The following INF2 variants were observed in gnomAD, a reference collection of about 807,000 sequenced individuals.
INF2 encodes inverted formin 2, also known as inverted formin-2.
In INF2, 43 loss-of-function variants were observed where a neutral mutation model predicts 123.5. That is an observed-to-expected ratio of 0.35 (90% CI 0.27 to 0.45). INF2 has a LOEUF of 0.45. Ranked by LOEUF, INF2 falls within the 20% of genes least tolerant of loss-of-function variation. INF2 has a pLI of 1.00. For synonymous variants in INF2, 851 were observed against 745.0 expected (o/e 1.14, Z -2.32); for missense variants, 1,453 against 1,682.7 (o/e 0.86, Z 2.39).
In INF2 at chr14:104,707,769, C is replaced by T; in HGVS notation, c.1502C>T (p.Pro501Leu). Reference protein sequence around the residue: ...PPPLPGLGCPPPPPPLLPGMG... With the variant: ...PPPLPGLGCPLPPPPLLPGMG... The stretch of plus-strand genomic sequence containing the variant: ...CCACTCCCGGGCTTGGGATGCCCGC[C>T]CCCACCCCCACCCCTGCTGCCTGGT... The change falls in exon 8 of 23, where the codon CCC (proline) becomes CTC (leucine). Residue 501 changes from proline (P) to leucine (L), a missense_variant. Around this residue, in one of 8 missense-constraint regions of INF2, gnomAD observed 374 missense variants for 303.7 expected, o/e 1.23. Transcript: ENST00000392634. 7.5e-7 allele frequency: 1 copy of T among 1,337,882 alleles called. No homozygotes were observed. Among genetic ancestry groups the T allele is most frequent in the Non-Finnish European group, 1.0e-6 (1 of 964,452 alleles). 82.9% of individuals were successfully genotyped at this position (1,337,882 alleles called of 1,614,324 possible).
chr14:104,719,019 C>A lies in INF2; in HGVS notation c.*226C>A. ...CAGGCCTGGTGCCCTCCTGGACCGC[C>A]TGCACGTGCCAGCCTCCCACCTGCT... On this transcript the variant is annotated 3_prime_UTR_variant, in exon 23 of 23. Transcript: ENST00000392634. The A allele has an allele frequency of 9.3e-7, 1 of 1,074,142 alleles. No individual in the cohort carries two copies. The highest frequency in any genetic ancestry group is 1.3e-6 in the Non-Finnish European group (1 of 788,046). The allele number at this position is 1,074,142 out of a possible 1,614,324, so 66.5% of individuals were successfully genotyped here.
At chr14:104,717,302 C>A (rs1343930258) in intron 22 of INF2, among the ~76,000 whole-genome samples, 15 of 136,060 alleles carry the variant, frequency 1.1e-4, no homozygotes, top group South Asian at 2.3e-4. Flanking sequence ...CAGTCCCCCC[C>A]CCGGGCAGGG....
chr14:104,683,328 G>A lies in INF2; in HGVS notation c.-104+1746G>A, dbSNP rs182459605. Among the ~76,000 whole-genome samples, 436 of 152,292 alleles carry A rather than the reference G, an allele frequency of 2.9e-3. 1 individual carries two copies. Among genetic ancestry groups the A allele is most frequent in the South Asian group, 7.9e-3 (38 of 4,828 alleles). ...CTCCTACGTGCCTCAGCCTGGGGCT[G>A]CCACTCCCTGCCTCCCACCGTCCAC... On this transcript the variant is annotated intron_variant, in intron 1 of 2. Coordinates refer to the INF2 transcript ENST00000674723.
chr14:104,682,925 G>T (rs933915387), intron 1 of INF2, among the ~76,000 whole-genome samples: 1 of 152,064 alleles, frequency 6.6e-6, no homozygotes, highest in Non-Finnish European at 1.5e-5. Context: ...GCTAGTGGCT[G>T]GGGCCTCCGC....
intron 1 of INF2, among the ~76,000 whole-genome samples, chr14:104,695,704 G>A (rs1301523192): frequency 6.7e-6 from 1 of 148,392 alleles, no homozygotes; most frequent in Non-Finnish European, 1.5e-5. Flanking sequence ...TCCTAACCCA[G>A]GAAGATGTAC....
intron 8 of INF2, chr14:104,708,203 A>AC (rs36027922): frequency 1.1e-6 from 1 of 888,200 alleles, no homozygotes; most frequent in Non-Finnish European, 1.7e-6. Flanking sequence ...ACCTCTGAGG[A>AC]CCCCCCTCCA....
At position 104,701,565 on chromosome 14, in the gene INF2, A is replaced by G; in HGVS notation, c.200A>G (p.Gln67Arg). The part of the protein sequence containing the change: ...LEGSDGGWMV[Q>R]FLEQSGLDLL... ...GGCAGCGACGGCGGCTGGATGGTGC[A>G]GTTCCTGGAGCAGAGCGGCCTGGAC... Residue 67 changes from glutamine to arginine, a missense_variant, in exon 2 of 23, where the codon CAG becomes CGG. Physicochemically the swap from Gln to Arg is conservative, Grantham distance 43. This residue lies in a region of INF2 where 251 missense variants were observed against 349.4 expected (regional missense o/e 0.72). Coordinates refer to ENST00000392634, the MANE Select transcript of INF2 (RefSeq NM_022489.4). The G allele has an allele frequency of 1.2e-6, 2 of 1,608,564 alleles. No individual in the cohort carries two copies. Among genetic ancestry groups the G allele is most frequent in the Admixed American group, 1.7e-5 (1 of 59,810 alleles).
chr14:104,689,590 T>TGCCC, upstream of INF2: 15 of 646,934 alleles, frequency 2.3e-5, no homozygotes, highest in South Asian at 7.1e-5. Flanking sequence ...CTCCTCTTCC[T>TGCCC]CCCGCCCGCC....
At chr14:104,692,586 G>A (rs1318960551) in intron 1 of INF2, among the ~76,000 whole-genome samples, 1 of 152,232 alleles carries the variant, frequency 6.6e-6, no homozygotes, top group Non-Finnish European at 1.5e-5. Context: ...CTCCAAACTC[G>A]GGGGTTGGTG....
intron 8 of INF2, 44 bp downstream of exon 8, chr14:104,708,046 G>A (rs1314537509): frequency 1.3e-6 from 2 of 1,597,652 alleles, no homozygotes; most frequent in South Asian, 1.1e-5. Flanking sequence ...CCTAGGACGG[G>A]GGCTGGTCTC....
At chr14:104,694,516 G>A (rs1279124869) in intron 1 of INF2, among the ~76,000 whole-genome samples, 1 of 152,210 alleles carries the variant, frequency 6.6e-6, no homozygotes, top group African/African-American at 2.4e-5. Flanking sequence ...TCAGTGCGTG[G>A]TTATGCACTG....
upstream of INF2, among the ~76,000 whole-genome samples, chr14:104,685,890 A>AAGGG: frequency 9.9e-6 from 1 of 100,786 alleles, no homozygotes; most frequent in Non-Finnish European, 1.9e-5. Context: ...TGGATGAATG[A>AAGGG]ATGGGCAGAT....
In INF2 at chr14:104,706,024, C is replaced by T. The variant is rs1889764949; in HGVS notation, c.702-11C>T. ...GCAGCAGGCTTAGCCCACCTGGCCC[C>T]TCCTGCACAGAGACCTGGAGGATGC... On this transcript the variant is annotated splice_polypyrimidine_tract_variant and intron_variant, in intron 5 of 22. Transcript: ENST00000392634. The T allele has an allele frequency of 1.2e-6, 2 of 1,610,712 alleles. No homozygotes were observed. The highest frequency in any genetic ancestry group is 1.3e-5 in the African/African-American group (1 of 75,024).
intron 1 of INF2, among the ~76,000 whole-genome samples, chr14:104,691,928 C>T (rs1888972387): frequency 6.6e-6 from 1 of 151,888 alleles, no homozygotes; most frequent in East Asian, 1.9e-4. Context: ...GCCGGTATAC[C>T]CTGGCAACCA....
At position 104,684,039 on chromosome 14, in the gene INF2, C is replaced by G. The variant is rs940000076; in HGVS notation, c.-104+2457C>G. On this transcript the variant is annotated intron_variant, in intron 1 of 2. Transcript: ENST00000674723. This position sits in a 1 kb window ranked among gnomAD's most constrained non-coding sequence, Gnocchi z 5.0. ...AATTCCCAACACCAGGGTTGCAAGG[C>G]CCAGTGTCTTCTCACCTCGTTAGGT... 2.2e-6 allele frequency: 1 copy of G among 455,936 alleles called. No homozygotes were observed. Among genetic ancestry groups the G allele is most frequent in the African/African-American group, 2.0e-5 (1 of 50,080 alleles). The allele number at this position is 455,936 out of a possible 1,614,324, so 28.2% of individuals were successfully genotyped here.
chr14:104,701,930 A>G (rs1051318063), intron 2 of INF2, among the ~76,000 whole-genome samples, 174 bp downstream of exon 2: 1 of 151,980 alleles, frequency 6.6e-6, no homozygotes, highest in African/African-American at 2.4e-5. Flanking sequence ...AAACATCCAC[A>G]TTCACTCCGA....
upstream of INF2, among the ~76,000 whole-genome samples, chr14:104,685,753 G>A (rs1221394569): frequency 6.6e-6 from 1 of 150,700 alleles, no homozygotes; most frequent in Non-Finnish European, 1.5e-5. Flanking sequence ...GCAGATGGAT[G>A]GATAAGGGTG....
Position 104,684,447 on chromosome 14 carries a change from C to T in INF2, c.-104+2865C>T, listed in dbSNP as rs1888610672. ...AACATGAGTGAACGATGCACACCACCGCGTGGATGAGTCTCAGAGACTGTG... is the reference window on the plus strand; with the variant it reads ...AACATGAGTGAACGATGCACACCACTGCGTGGATGAGTCTCAGAGACTGTG... On this transcript the variant is annotated intron_variant, in intron 1 of 2. Coordinates refer to the INF2 transcript ENST00000674723. The surrounding 1 kb of genome is among the most constrained non-coding windows in gnomAD (Gnocchi z 5.0). 4.2e-6 allele frequency: 1 copy of T among 237,596 alleles called. No homozygotes were observed. Among genetic ancestry groups the T allele is most frequent in the South Asian group, 5.3e-5 (1 of 19,012 alleles). 14.7% of individuals were successfully genotyped at this position (237,596 alleles called of 1,614,324 possible). A position where few individuals can be genotyped will look rare whatever the true frequency, so the allele number is the denominator to read the frequency against.
intron 15 of INF2, 44 bp from the exon 16 acceptor site, chr14:104,711,583 GGA>G: frequency 6.5e-7 from 1 of 1,541,772 alleles, no homozygotes; most frequent in Non-Finnish European, 9.0e-7. Context: ...ATCCCCAGGT[GGA>G]GAGTATGACC....
Sources: allele counts gnomAD v4.1 joint callset (sites outside exome capture counted in the v4.1 genomes callset), GRCh38; gene constraint gnomAD v4.1.1; regional missense constraint gnomAD v4.1.1; non-coding constraint Gnocchi (gnomAD v3.1); transcripts MANE v1.5; gene names NCBI Gene and HGNC (gene_info 2026-07-23, HGNC 2026-07-21).